Variants in SMYD3 observed in about 807,000 individuals in gnomAD.
The protein encoded by SMYD3 is SET and MYND domain containing 3.
Under a neutral mutation model 57.7 loss-of-function variants are expected in SMYD3, and 36 were observed. The observed-to-expected ratio is 0.62, with a 90% confidence interval of 0.48 to 0.82. The LOEUF (loss-of-function observed/expected upper bound fraction) is 0.82, where lower values mean the gene tolerates loss of function less well. SMYD3 is among the 40% of genes least tolerant of loss of function. The probability of loss-of-function intolerance (pLI) is 0.00; values close to 1 mark genes in which losing one functional copy is unlikely to be tolerated. For missense variants in SMYD3, 515 were observed against 538.8 expected (o/e 0.96, Z 0.44); for synonymous variants, 211 against 195.0 (o/e 1.08, Z -0.68).
chr1:245,785,516 CACTT>C (rs2046998686), intron 10 of SMYD3, among the ~76,000 whole-genome samples: 1 of 152,140 alleles, frequency 6.6e-6, no homozygotes, highest in African/African-American at 2.4e-5. Flanking sequence ...AATTTACACT[CACTT>C]GCCTACTCCC....
chr1:246,187,041 G>A (rs946090698), intron 5 of SMYD3: 7 of 565,182 alleles, frequency 1.2e-5, no homozygotes, highest in Non-Finnish European at 1.3e-5. Flanking sequence ...ACGAGGTGAT[G>A]TGCTGATGGA....
rs6667298 is a variant in SMYD3 at position 245,793,335 on chromosome 1, A to G, written c.1077-29186T>C. 2.2e-3 allele frequency among the ~76,000 whole-genome samples: 341 copies of G among 152,034 alleles called. 1 individual carries two copies. The highest frequency in any genetic ancestry group is 7.9e-3 in the African/African-American group (328 of 41,476). On this transcript the variant is annotated intron_variant, in intron 10 of 11. Coordinates refer to ENST00000490107, the MANE Select transcript of SMYD3 (RefSeq NM_001167740.2). ...AACAACAAAAAAAGAAATATCTTCC[A>G]TTTAAAGTTTCACTTGCATACTTGC...
At chr1:246,425,698 CT>C (rs2067208111) in intron 1 of SMYD3, among the ~76,000 whole-genome samples, 1 of 152,190 alleles carries the variant, frequency 6.6e-6, no homozygotes, top group Non-Finnish European at 1.5e-5. Flanking sequence ...TTAGCATACC[CT>C]GTAGTGGCTT....
At chr1:246,350,888 C>T (rs1228473547) in intron 2 of SMYD3, among the ~76,000 whole-genome samples, 1 of 152,220 alleles carries the variant, frequency 6.6e-6, no homozygotes, top group African/African-American at 2.4e-5. Context: ...TTTTAAACTT[C>T]ATGTAGTACT....
chr1:245,844,078 G>C (rs548027001), intron 10 of SMYD3, among the ~76,000 whole-genome samples: 2 of 152,248 alleles, frequency 1.3e-5, no homozygotes, highest in East Asian at 1.9e-4. Context: ...CAAGTAACAA[G>C]TCCTAGTTCC....
At chr1:246,327,006 A>C in intron 5 of SMYD3, 195 bp downstream of exon 5, 1 of 610,104 alleles carries the variant, frequency 1.6e-6, no homozygotes, top group Non-Finnish European at 2.8e-6. Flanking sequence ...ATATTAATCA[A>C]ACAGAAAAAT....
At chr1:246,084,210 T>C (rs997481874) in intron 5 of SMYD3, among the ~76,000 whole-genome samples, 2 of 150,766 alleles carry the variant, frequency 1.3e-5, no homozygotes, top group African/African-American at 4.9e-5. Flanking sequence ...TTTTTTTTTT[T>C]TTCTTTTTTC....
intron 5 of SMYD3, among the ~76,000 whole-genome samples, chr1:246,162,099 A>G (rs539082316): frequency 1.3e-5 from 2 of 152,336 alleles, no homozygotes; most frequent in South Asian, 4.1e-4. Context: ...TGGTGAATCT[A>G]TCAGAGAAGG....
intron 4 of SMYD3, among the ~76,000 whole-genome samples, chr1:246,329,170 T>G (rs201195447): frequency 6.6e-6 from 1 of 152,146 alleles, no homozygotes; most frequent in Non-Finnish European, 1.5e-5. Context: ...TGTGTCTCTA[T>G]AGCAGCATGA....
chr1:246,182,013 A>G (rs1405356291), intron 5 of SMYD3, among the ~76,000 whole-genome samples: 2 of 152,238 alleles, frequency 1.3e-5, no homozygotes, highest in African/African-American at 2.4e-5. Flanking sequence ...TCTTCAAAGA[A>G]AGAGCACTAT....
In SMYD3 at chr1:246,479,373, C is replaced by T. The variant is rs559420898; in HGVS notation, c.164+27681G>A. ...CTGCCAAATGAGTATAAAAATAGCA[C>T]TTAATTTACGAGGTTGTTCATTTAA... On this transcript the variant is annotated intron_variant, in intron 1 of 11. Transcript: ENST00000490107. Among the ~76,000 whole-genome samples the T allele has an allele frequency of 3.7e-4, 56 of 152,286 alleles. 1 individual carries two copies. The highest frequency in any genetic ancestry group is 1.3e-3 in the African/African-American group (53 of 41,548).
intron 5 of SMYD3, among the ~76,000 whole-genome samples, chr1:246,196,423 C>T (rs991999552): frequency 6.6e-6 from 1 of 152,170 alleles, no homozygotes; most frequent in Non-Finnish European, 1.5e-5. Context: ...GAAAAATCCA[C>T]TGTAAAAGAG....
chr1:246,501,063 C>T (rs2068448513), intron 1 of SMYD3, among the ~76,000 whole-genome samples: 1 of 152,216 alleles, frequency 6.6e-6, no homozygotes, highest in Non-Finnish European at 1.5e-5. Context: ...TTCAAGCCAT[C>T]GTTCAAGGTT....
chr1:245,777,072 C>T (rs2046635240), intron 10 of SMYD3, among the ~76,000 whole-genome samples: 1 of 152,036 alleles, frequency 6.6e-6, no homozygotes, highest in Non-Finnish European at 1.5e-5. Context: ...GGAAGAGGAT[C>T]CCTTAAAAAA....
intron 1 of SMYD3, among the ~76,000 whole-genome samples, chr1:246,463,103 G>A (rs186754822): frequency 6.6e-6 from 1 of 152,248 alleles, no homozygotes; most frequent in Admixed American, 6.5e-5. Context: ...ATGAGGCAGG[G>A]AGGGACACAT....
At chr1:245,954,842 C>G (rs1451543287) in intron 5 of SMYD3, among the ~76,000 whole-genome samples, 3 of 152,202 alleles carry the variant, frequency 2.0e-5, no homozygotes, top group African/African-American at 7.2e-5. Flanking sequence ...AAGTCAATCT[C>G]TCTGGTCCCT....
At chr1:245,754,300 T>C (rs2045519434) in intron 11 of SMYD3, among the ~76,000 whole-genome samples, 1 of 152,178 alleles carries the variant, frequency 6.6e-6, no homozygotes, top group African/African-American at 2.4e-5. Context: ...TCTCAAACAG[T>C]TTCTACCATG....
At chr1:246,290,621 C>T (rs1434350876) in intron 5 of SMYD3, among the ~76,000 whole-genome samples, 2 of 152,130 alleles carry the variant, frequency 1.3e-5, no homozygotes, top group Non-Finnish European at 2.9e-5. Context: ...TCTGGAGTTT[C>T]GTTTTCCTAA....
intron 4 of SMYD3, among the ~76,000 whole-genome samples, chr1:246,328,895 G>A (rs1262788299): frequency 6.7e-6 from 1 of 150,362 alleles, no homozygotes. Context: ...CTGTGTCCAT[G>A]TGTTCTCATT....
Sources: gnomAD v4.1 joint callset for allele counts (sites outside exome capture counted in the v4.1 genomes callset) on GRCh38, gnomAD v4.1.1 for gene constraint, MANE v1.5 for transcripts, NCBI Gene and HGNC (gene_info 2026-07-23, HGNC 2026-07-21) for gene names.